The following SSH2 variants were observed in gnomAD, a reference collection of about 807,000 sequenced individuals.
SSH2 encodes slingshot protein phosphatase 2, also known as protein phosphatase Slingshot homolog 2.
In SSH2, 37 loss-of-function variants were observed where a neutral mutation model predicts 135.2. The observed-to-expected ratio is 0.27, with a 90% CI of 0.21 to 0.36. The LOEUF (loss-of-function observed/expected upper bound fraction) is 0.36, where lower values mean the gene tolerates loss of function less well. Ranked by LOEUF, SSH2 falls within the 10% of genes least tolerant of loss-of-function variation. The probability of loss-of-function intolerance (pLI) is 1.00; values close to 1 mark genes in which losing one functional copy is unlikely to be tolerated. For synonymous variants in SSH2, 628 were observed against 646.2 expected (o/e 0.97, Z 0.43); for missense variants, 1,408 against 1,765.3 (o/e 0.80, Z 3.63).
chr17:29,681,331 CAAAAAAAAAAAAAAAAAAAAAA>C (rs764461213), intron 6 of SSH2, among the ~76,000 whole-genome samples: 3 of 14,338 alleles, frequency 2.1e-4, no homozygotes, highest in African/African-American at 3.0e-4. Flanking sequence ...GAGACTGTCT[CAAAAAAAAAAAAAAAAAAAAAA>C]AAAAAAAAAG....
At chr17:29,779,444 C>G (rs560579208) in intron 3 of SSH2, among the ~76,000 whole-genome samples, 2 of 152,088 alleles carry the variant, frequency 1.3e-5, no homozygotes, top group Non-Finnish European at 2.9e-5. Flanking sequence ...GTGGCCACCC[C>G]CCAAACATTT....
chr17:29,908,242 A>C (rs932143944), intron 1 of SSH2, among the ~76,000 whole-genome samples: 1 of 152,050 alleles, frequency 6.6e-6, no homozygotes, highest in African/African-American at 2.4e-5. Flanking sequence ...GCTTGAGTCC[A>C]AGAGTTCAAG....
chr17:29,811,130 C>T lies in SSH2; in HGVS notation c.145-17193G>A, dbSNP rs545331154. Among the ~76,000 whole-genome samples the T allele has an allele frequency of 3.9e-5, 6 of 151,978 alleles. No homozygotes were observed. In the East Asian group the frequency reaches 5.8e-4, roughly 15 times the overall value. On this transcript the variant is annotated intron_variant, in intron 2 of 15. Transcript: ENST00000540801. Reference sequence around the variant, plus strand: ...ACTGCTTCAGCCTCCCGAGTAGCTGCGACTACAGGTGCGCACCACCACACC... The same window carrying T: ...ACTGCTTCAGCCTCCCGAGTAGCTGTGACTACAGGTGCGCACCACCACACC...
chr17:29,904,883 T>G (rs1255768642), intron 1 of SSH2, among the ~76,000 whole-genome samples: 1 of 152,078 alleles, frequency 6.6e-6, no homozygotes. Context: ...AAATCATGAA[T>G]GAACTCCCAT....
intron 2 of SSH2, among the ~76,000 whole-genome samples, chr17:29,840,973 CCT>C (rs1312539107): frequency 1.3e-5 from 2 of 152,128 alleles, no homozygotes; most frequent in African/African-American, 2.4e-5. Context: ...GATGCTGAGC[CCT>C]CTCTCTGATT....
At position 29,755,402 on chromosome 17, in the gene SSH2, C is replaced by T. The variant is rs542691258; in HGVS notation, c.188+38492G>A. ...CTTCATTGACAGGTAAAAAATAATA[C>T]CATATTTGGTGAGTTTTATATAGCG... is the stretch of plus-strand genomic sequence containing the variant. On this transcript the variant is annotated intron_variant, in intron 3 of 15. Transcript: ENST00000540801. Among the ~76,000 whole-genome samples the T allele has an allele frequency of 1.1e-4, 16 of 152,060 alleles. No homozygotes were observed. The South Asian group carries it at 2.9e-3, about 28-fold the overall frequency.
At chr17:29,718,570 A>G (rs538303864) in intron 3 of SSH2, among the ~76,000 whole-genome samples, 7 of 152,076 alleles carry the variant, frequency 4.6e-5, no homozygotes, top group African/African-American at 1.7e-4. Flanking sequence ...TGTCTCTACT[A>G]AAAATACAAA....
At position 29,631,182 on chromosome 17, in the gene SSH2, G is replaced by A. The variant is rs1308829209; in HGVS notation, c.4012C>T (p.Pro1338Ser). ...AMEDQESLEN[P>S]GAPHNPEPTK... ...GGCTCTGGGTTGTGGGGGGCACCTG[G>A]GTTTTCTAGGGACTCTTGGTCCTCC... The change falls in exon 16 of 16, where the codon CCA becomes TCA. Residue 1338 changes from proline (P) to serine (S), a missense_variant. Physicochemically the swap from Pro to Ser is moderately conservative, Grantham distance 74. Coordinates refer to ENST00000540801, the MANE Select transcript of SSH2 (RefSeq NM_001282129.2). 6.2e-7 allele frequency: 1 copy of A among 1,614,060 alleles called. No individual in the cohort carries two copies. The highest frequency in any genetic ancestry group is 2.2e-5 in the East Asian group (1 of 44,902).
intron 1 of SSH2, among the ~76,000 whole-genome samples, chr17:29,897,154 C>A (rs2066460900): frequency 6.6e-6 from 1 of 151,976 alleles, no homozygotes; most frequent in Admixed American, 6.6e-5. Flanking sequence ...AAAGGAACAA[C>A]CGGTACCAGC....
chr17:29,779,810 C>CAAAAAAAAAAAAAA (rs56789691), intron 3 of SSH2, among the ~76,000 whole-genome samples: 4 of 19,610 alleles, frequency 2.0e-4, no homozygotes, highest in Admixed American at 1.0e-3. Flanking sequence ...GACTCTGTCT[C>CAAAAAAAAAAAAAA]AAAAAAAAAA....
chr17:29,691,563 T>C (rs966912531), intron 5 of SSH2, among the ~76,000 whole-genome samples: 2 of 151,738 alleles, frequency 1.3e-5, no homozygotes, highest in Non-Finnish European at 2.9e-5. Flanking sequence ...CGATCTCGGC[T>C]CACTGAAAGC....
chr17:29,899,575 A>T lies in SSH2; in HGVS notation c.63+30363T>A, dbSNP rs921564521. On this transcript the variant is annotated intron_variant, in intron 1 of 15. Coordinates refer to ENST00000540801, the MANE Select transcript of SSH2 (RefSeq NM_001282129.2). ...TACCTAGGAATCCAACTTACAAGGG[A>T]TGTGAAGGACCTCTTCAAGGAGAAC... Among the ~76,000 whole-genome samples, 689 of 152,334 alleles carry T rather than the reference A, an allele frequency of 4.5e-3. 5 individuals carry two copies. Among genetic ancestry groups the T allele is most frequent in the African/African-American group, 0.016 (667 of 41,578 alleles).
rs546095132 is a variant in SSH2 at position 29,750,634 on chromosome 17, T to C, written c.188+43260A>G. Among the ~76,000 whole-genome samples the C allele has an allele frequency of 4.0e-3, 601 of 151,620 alleles. 4 individuals are homozygous for C. The highest frequency in any genetic ancestry group is 0.014 in the African/African-American group (562 of 41,468). On this transcript the variant is annotated intron_variant, in intron 3 of 15. Coordinates refer to ENST00000540801, the MANE Select transcript of SSH2 (RefSeq NM_001282129.2). ...AACTCCTGGGTTCAAGTGATCCTCC[T>C]GCCTCAGCCCCCAGAGTAGCTGGGA...
At chr17:29,874,478 G>C (rs1567623841) in intron 1 of SSH2, among the ~76,000 whole-genome samples, 1 of 152,100 alleles carries the variant, frequency 6.6e-6, no homozygotes, top group Non-Finnish European at 1.5e-5. Context: ...TTGAATCATG[G>C]GGGCAGTTTC....
intron 1 of SSH2, among the ~76,000 whole-genome samples, chr17:29,904,935 T>C (rs2151464778): frequency 6.6e-6 from 1 of 152,190 alleles, no homozygotes; most frequent in East Asian, 1.9e-4. Flanking sequence ...GAAATACAGC[T>C]AACAAGGGAA....
rs576187160 is a variant in SSH2, at chr17:29,632,842, C to T, written c.2352G>A (p.Glu784=). The part of the protein sequence containing the change: ...ISVKEIVTEI[E]SISQGVGQIQ... Reference sequence around the variant, plus strand: ...TCTGCCCAACTCCTTGACTGATGGACTCAATTTCAGTGACAATTTCTTTGA... The same window carrying T: ...TCTGCCCAACTCCTTGACTGATGGATTCAATTTCAGTGACAATTTCTTTGA... The change falls in exon 16 of 16, where the codon GAG becomes GAA. Residue 784 remains glutamate, a synonymous_variant. Coordinates refer to ENST00000540801, the MANE Select transcript of SSH2 (RefSeq NM_001282129.2). The T allele has an allele frequency of 6.2e-7, 1 of 1,614,176 alleles. No homozygotes were observed. Among genetic ancestry groups the T allele is most frequent in the East Asian group, 2.2e-5 (1 of 44,888 alleles).
At chr17:29,807,398 G>A (rs998904930) in intron 2 of SSH2, among the ~76,000 whole-genome samples, 1 of 152,078 alleles carries the variant, frequency 6.6e-6, no homozygotes, top group Non-Finnish European at 1.5e-5. Context: ...GCTATCAATA[G>A]AGGAAAAGAG....
chr17:29,778,659 T>C (rs111546284), intron 3 of SSH2, among the ~76,000 whole-genome samples: 1 of 84,012 alleles, frequency 1.2e-5, no homozygotes, highest in South Asian at 3.9e-4. Flanking sequence ...AATAAATAAA[T>C]AAAAATAAAT....
intron 3 of SSH2, among the ~76,000 whole-genome samples, chr17:29,744,416 C>CTGCAG (rs1224557769): frequency 3.9e-5 from 6 of 152,318 alleles, no homozygotes; most frequent in African/African-American, 1.4e-4. Flanking sequence ...TTTTTAGTAG[C>CTGCAG]TGCAGTATCT....
Sources: allele counts gnomAD v4.1 joint callset (sites outside exome capture counted in the v4.1 genomes callset), GRCh38; gene constraint gnomAD v4.1.1; transcripts MANE v1.5; gene names NCBI Gene and HGNC (gene_info 2026-07-23, HGNC 2026-07-21).